The following TMEM181 variants were observed in gnomAD, a reference collection of about 807,000 sequenced individuals.
TMEM181 encodes G protein-coupled receptor 178.
TMEM181 carries 39 observed loss-of-function variants against 71.9 expected under a neutral mutation model. The ratio of observed to expected loss-of-function variants is 0.54; its 90% CI spans 0.42 to 0.71. The LOEUF is 0.71. Among genes scored for constraint, TMEM181 ranks in the 30% least tolerant of loss-of-function variants. TMEM181 has a pLI of 0.00. For missense variants in TMEM181, 595 were observed against 583.0 expected (o/e 1.02, Z -0.21); for synonymous variants, 245 against 228.8 (o/e 1.07, Z -0.64).
intron 6 of TMEM181, among the ~76,000 whole-genome samples, chr6:158,604,259 C>T (rs769836592): frequency 6.6e-6 from 1 of 152,234 alleles, no homozygotes. Flanking sequence ...TGTTGTTTCC[C>T]ATCAGTCAGA....
At chr6:158,557,974 G>T (rs569079489), upstream of TMEM181, among the ~76,000 whole-genome samples, 1 of 152,370 alleles carries the variant, frequency 6.6e-6, no homozygotes, top group African/African-American at 2.4e-5. Flanking sequence ...ATGAGAAAAC[G>T]AGTATGACGG....
At position 158,635,153 on chromosome 6, in the gene TMEM181, C is replaced by A. The variant is rs1301030293; in HGVS notation, c.*3265C>A. On this transcript the variant is annotated 3_prime_UTR_variant, in exon 17 of 17. Coordinates refer to ENST00000684151, the MANE Select transcript of TMEM181 (RefSeq NM_001376852.1). Reference sequence around the variant, plus strand: ...ATACGCTAGTAACTGTGATACCATACTATAAAACAGAAGAATTTTCTGCTA... The same window carrying A: ...ATACGCTAGTAACTGTGATACCATAATATAAAACAGAAGAATTTTCTGCTA... 1 of 152,144 alleles carries A rather than the reference C, an allele frequency of 6.6e-6. No individual in the cohort carries two copies. The highest frequency in any genetic ancestry group is 1.5e-5 in the Non-Finnish European group (1 of 68,022). 9.4% of individuals were successfully genotyped at this position (152,144 alleles called of 1,614,324 possible). A position where few individuals can be genotyped will look rare whatever the true frequency, so the allele number is the denominator to read the frequency against.
chr6:158,623,508 GGTA>G, intron 10 of TMEM181, 39 bp from the exon 11 acceptor site: 1 of 1,265,042 alleles, frequency 7.9e-7, no homozygotes, highest in Non-Finnish European at 1.1e-6. Context: ...AAAAAGTAAA[GGTA>G]GTTATTAATC....
chr6:158,610,638 GA>G, intron 10 of TMEM181: 1 of 318,480 alleles, frequency 3.1e-6, no homozygotes. Context: ...CTGGAGAAGT[GA>G]AATGAGTGAG....
Position 158,585,287 on chromosome 6 carries a change from A to AT in TMEM181, c.260-10dup, listed in dbSNP as rs753981270. On this transcript the variant is annotated splice_polypyrimidine_tract_variant and intron_variant, in intron 4 of 16. Transcript: ENST00000684151. ...TGCCTGGCATGGTCTCTAACACTGA[A>AT]TTTTTTTCTTTTGTAGAAACTTCTA... 13 of 1,589,016 alleles carry AT rather than the reference A, an allele frequency of 8.2e-6. 1 individual carries two copies. The East Asian group carries it at 1.1e-4, about 14-fold the overall frequency.
chr6:158,556,772 A>AT (rs34748175), upstream of TMEM181, among the ~76,000 whole-genome samples: 93,109 of 151,540 alleles, frequency 0.61, 29,016 homozygotes, highest in East Asian at 0.72. Context: ...TGTTTTTGGT[A>AT]TTTTTTTTGA....
chr6:158,589,910 T>G, intron 6 of TMEM181, 128 bp downstream of exon 6: 1 of 685,174 alleles, frequency 1.5e-6, no homozygotes, highest in East Asian at 2.8e-5. Context: ...TGTAAAGTTT[T>G]TAAAAATTAT....
At chr6:158,584,863 A>G (rs934858779) in intron 4 of TMEM181, among the ~76,000 whole-genome samples, 1 of 152,228 alleles carries the variant, frequency 6.6e-6, no homozygotes, top group African/African-American at 2.4e-5. Context: ...TCTAGGTGAA[A>G]TTCTCAGTAT....
At chr6:158,544,180 A>AGTGTGTGT (rs1163683618) in intron 1 of TMEM181, among the ~76,000 whole-genome samples, 13 of 69,006 alleles carry the variant, frequency 1.9e-4, no homozygotes, top group African/African-American at 8.5e-4. Flanking sequence ...CAAATTGGAG[A>AGTGTGTGT]GAGTGTGTGT....
Position 158,620,093 on chromosome 6 carries a change from A to C in TMEM181, c.897-3457A>C, listed in dbSNP as rs538252058. Among the ~76,000 whole-genome samples, 15 of 152,262 alleles carry C rather than the reference A, an allele frequency of 9.9e-5. No homozygotes were observed. The South Asian group carries it at 3.1e-3, about 32-fold the overall frequency. On this transcript the variant is annotated intron_variant, in intron 10 of 16. Coordinates refer to ENST00000684151, the MANE Select transcript of TMEM181 (RefSeq NM_001376852.1). This position sits in a 1 kb window ranked among gnomAD's most constrained non-coding sequence, Gnocchi z 4.5. ...CCAGGCCATATTGCAATAAAAAACTAAACACTTTGGCTTTAGGAGTCCCTG... is the reference window on the plus strand; with the variant it reads ...CCAGGCCATATTGCAATAAAAAACTCAACACTTTGGCTTTAGGAGTCCCTG...
intron 10 of TMEM181, chr6:158,611,531 A>G: frequency 2.1e-6 from 1 of 473,356 alleles, no homozygotes; most frequent in South Asian, 1.6e-5. Context: ...AGTTACGAGA[A>G]CTATCTTTGG....
At chr6:158,594,099 CTTTT>C (rs60295531) in intron 6 of TMEM181, among the ~76,000 whole-genome samples, 1 of 114,020 alleles carries the variant, frequency 8.8e-6, no homozygotes, top group Non-Finnish European at 1.7e-5. Flanking sequence ...ATGGTTTTGC[CTTTT>C]TTTTTTTTTT....
intron 1 of TMEM181, among the ~76,000 whole-genome samples, chr6:158,560,933 C>T (rs1485797347): frequency 6.6e-6 from 1 of 152,024 alleles, no homozygotes; most frequent in African/African-American, 2.4e-5. Context: ...GCCTAGGTGT[C>T]CCCCTGGGCG....
In TMEM181 at chr6:158,608,643, A is replaced by C; in HGVS notation, c.805-16A>C. ...TGGTTTTCTTTATTTCTTACTTCTT[A>C]TTTTTTTCTTTTTAGGGAGAAAGAA... On this transcript the variant is annotated splice_polypyrimidine_tract_variant and intron_variant, in intron 9 of 16. Coordinates refer to ENST00000684151, the MANE Select transcript of TMEM181 (RefSeq NM_001376852.1). 6.3e-7 allele frequency: 1 copy of C among 1,598,316 alleles called. No homozygotes were observed.
chr6:158,544,841 G>A (rs984048261), intron 1 of TMEM181, among the ~76,000 whole-genome samples: 4 of 152,048 alleles, frequency 2.6e-5, no homozygotes, highest in African/African-American at 2.4e-5. Flanking sequence ...TTCCTATCCC[G>A]AAATGAAATT....
chr6:158,544,182 A>AGAGACAGAGTGTGTGTGTGTGTGT (rs149735409), intron 1 of TMEM181, among the ~76,000 whole-genome samples: 1 of 127,562 alleles, frequency 7.8e-6, no homozygotes, highest in Non-Finnish European at 1.7e-5. Flanking sequence ...AATTGGAGAG[A>AGAGACAGAGTGTGTGTGTGTGTGT]GTGTGTGTGT....
chr6:158,572,298 G>T, intron 1 of TMEM181: 1 of 339,796 alleles, frequency 2.9e-6, no homozygotes, highest in Non-Finnish European at 5.7e-6. Flanking sequence ...TTCCTGCAGG[G>T]CCAGGCTGAG....
At chr6:158,536,912 C>T (rs778758412) in intron 1 of TMEM181, 1 of 1,265,286 alleles carries the variant, frequency 7.9e-7, no homozygotes, top group South Asian at 3.0e-5. Context: ...GCTTCCGGGC[C>T]GCAGTCCCCT....
intron 1 of TMEM181, among the ~76,000 whole-genome samples, chr6:158,554,289 T>C (rs1321050060): frequency 1.2e-4 from 18 of 152,148 alleles, no homozygotes; most frequent in Admixed American, 1.1e-3. Flanking sequence ...TTTCACCATG[T>C]CGGTCAGGCT....
Sources: allele counts gnomAD v4.1 joint callset (sites outside exome capture counted in the v4.1 genomes callset), GRCh38; gene constraint gnomAD v4.1.1; non-coding constraint Gnocchi (gnomAD v3.1); transcripts MANE v1.5; gene names NCBI Gene and HGNC (gene_info 2026-07-23, HGNC 2026-07-21).